The following PBX1 variants were observed in gnomAD, a reference collection of about 807,000 sequenced individuals.
The protein encoded by PBX1 is pre-B-cell leukemia transcription factor 1.
Under a neutral mutation model 53.4 loss-of-function variants are expected in PBX1, and 6 were observed. The observed-to-expected ratio is 0.11, with a 90% CI of 0.06 to 0.22. The LOEUF (loss-of-function observed/expected upper bound fraction) is 0.22. Ranked by LOEUF, PBX1 falls within the 10% of genes least tolerant of loss-of-function variation. The probability of loss-of-function intolerance (pLI) is 1.00; values close to 1 mark genes in which losing one functional copy is unlikely to be tolerated. For synonymous variants in PBX1, 204 were observed against 212.3 expected, an observed-to-expected ratio of 0.96 and a Z score of 0.34; for missense variants, 251 against 551.4, an observed-to-expected ratio of 0.46 and a Z score of 5.46.
intron 2 of PBX1, chr1:164,642,613 T>C (rs192462424): frequency 3.9e-5 from 6 of 152,292 alleles, no homozygotes; most frequent in African/African-American, 1.4e-4. Flanking sequence ...ATTTATTTGG[T>C]TAGGTGTTTT....
At chr1:164,844,692 C>G (rs1671481155) in intron 8 of PBX1, among the ~76,000 whole-genome samples, 1 of 152,084 alleles carries the variant, frequency 6.6e-6, no homozygotes, top group Non-Finnish European at 1.5e-5. Flanking sequence ...CTTAGTCAGC[C>G]TAAAATGGCA....
Position 164,706,039 on chromosome 1 carries a change from G to A in PBX1, c.266-86455G>A, listed in dbSNP as rs183130418. ...TTTGGTTTTTGATTGCTGAGTTTTG[G>A]AATTCTATGGTTGATATAAAAAAAA... is the stretch of plus-strand genomic sequence containing the variant. On this transcript the variant is annotated intron_variant, in intron 2 of 8. Coordinates refer to ENST00000420696, the MANE Select transcript of PBX1 (RefSeq NM_002585.4). 3.5e-3 allele frequency among the ~76,000 whole-genome samples: 531 copies of A among 152,214 alleles called. 5 individuals are homozygous for A. The highest frequency in any genetic ancestry group is 0.012 in the African/African-American group (490 of 41,520).
intron 6 of PBX1, among the ~76,000 whole-genome samples, 197 bp downstream of exon 6, chr1:164,812,346 CA>C (rs1177396416): frequency 6.6e-6 from 1 of 152,178 alleles, no homozygotes; most frequent in East Asian, 1.9e-4. Flanking sequence ...AGACTTTTTA[CA>C]ACGTGGGTTG....
intron 2 of PBX1, among the ~76,000 whole-genome samples, chr1:164,568,294 C>CT (rs1416774001): frequency 6.6e-6 from 1 of 151,386 alleles, no homozygotes; most frequent in Non-Finnish European, 1.5e-5. Context: ...TATGTTTGAA[C>CT]TTGGTGAAGC....
chr1:164,642,417 A>G (rs1659199416), intron 2 of PBX1, among the ~76,000 whole-genome samples: 1 of 152,212 alleles, frequency 6.6e-6, no homozygotes, highest in Admixed American at 6.5e-5. Context: ...AGGACATTCA[A>G]GGCATCTCTC....
chr1:164,741,739 A>ATGT, intron 2 of PBX1, among the ~76,000 whole-genome samples: 1 of 140,910 alleles, frequency 7.1e-6, no homozygotes, highest in South Asian at 2.4e-4. Context: ...TGTATGAGTG[A>ATGT]GTGTGTGTGT....
chr1:164,792,621 A>AGCGGCGGCG lies in PBX1; in HGVS notation c.396_404dup (p.Ala133_Ala135dup). 2 of 1,613,630 alleles carry AGCGGCGGCG rather than the reference A, an allele frequency of 1.2e-6. No individual in the cohort carries two copies. Among genetic ancestry groups the AGCGGCGGCG allele is most frequent in the East Asian group, 2.2e-5 (1 of 44,866 alleles). ...GCGGAGGGTCGGCGGCAGCGGCGGC[A>AGCGGCGGCG]GCGGCGGCGGCTTCTGGAGGGGCAG... is the stretch of plus-strand genomic sequence containing the variant. On this transcript the variant is annotated inframe_insertion, in exon 3 of 9. Coordinates refer to ENST00000420696, the MANE Select transcript of PBX1 (RefSeq NM_002585.4).
chr1:164,724,052 G>C (rs1397759714), intron 2 of PBX1, among the ~76,000 whole-genome samples: 3 of 152,114 alleles, frequency 2.0e-5, no homozygotes, highest in Non-Finnish European at 4.4e-5. Context: ...ACTAAAACCT[G>C]GAATGACTTT....
intron 2 of PBX1, among the ~76,000 whole-genome samples, chr1:164,788,585 A>T (rs1338528280): frequency 6.6e-6 from 1 of 152,152 alleles, no homozygotes; most frequent in Non-Finnish European, 1.5e-5. Context: ...TTTTCTATGC[A>T]AAATAGTGCA....
chr1:164,854,628 C>T (rs1226549803), downstream of PBX1, among the ~76,000 whole-genome samples: 1 of 152,054 alleles, frequency 6.6e-6, no homozygotes, highest in African/African-American at 2.4e-5. Flanking sequence ...TGTGATTCAA[C>T]CTATGGCTTC....
chr1:164,749,197 C>A (rs199749768), intron 2 of PBX1, among the ~76,000 whole-genome samples: 1 of 152,098 alleles, frequency 6.6e-6, no homozygotes, highest in East Asian at 1.9e-4. Flanking sequence ...AGTAATGCCC[C>A]CTTTCAGTTT....
In PBX1 at chr1:164,672,050, T is replaced by C. The variant is rs201667490; in HGVS notation, c.265+108739T>C. On this transcript the variant is annotated intron_variant, in intron 2 of 8. Transcript: ENST00000420696. Reference sequence around the variant, plus strand: ...GTTTTTCTTTCTGTTTTTTTTTTTTTCCCCTTTTATTCCCCTGTTGACACA... The same window carrying C: ...GTTTTTCTTTCTGTTTTTTTTTTTTCCCCCTTTTATTCCCCTGTTGACACA... Among the ~76,000 whole-genome samples, 131 of 131,240 alleles carry C rather than the reference T, an allele frequency of 1.0e-3. 2 individuals are homozygous for C. The highest frequency in any genetic ancestry group is 8.2e-3 in the Middle Eastern group (2 of 244). The allele number at this position is 131,240 out of a possible 152,430, so 86.1% of individuals were successfully genotyped here.
chr1:164,855,869 C>T (rs1052662757), downstream of PBX1, among the ~76,000 whole-genome samples: 1 of 152,184 alleles, frequency 6.6e-6, no homozygotes, highest in East Asian at 1.9e-4. Flanking sequence ...TTGAAATATT[C>T]ATGTCTTTGT....
At chr1:164,666,468 A>G (rs1660813232) in intron 2 of PBX1, among the ~76,000 whole-genome samples, 1 of 152,204 alleles carries the variant, frequency 6.6e-6, no homozygotes, top group Admixed American at 6.5e-5. Context: ...TCATTCTCAG[A>G]TTGGTCTGAG....
chr1:164,756,549 A>T (rs1258291407), intron 2 of PBX1, among the ~76,000 whole-genome samples: 1 of 152,202 alleles, frequency 6.6e-6, no homozygotes, highest in East Asian at 1.9e-4. Context: ...GAATGCTAAC[A>T]TTGCATATGT....
chr1:164,633,041 T>C (rs556953259), intron 2 of PBX1, among the ~76,000 whole-genome samples: 148 of 152,322 alleles, frequency 9.7e-4, no homozygotes, highest in Non-Finnish European at 1.7e-3. Flanking sequence ...TAGCTAAGAC[T>C]CAAAACTAGT....
At chr1:164,626,289 A>C (rs1314272892) in intron 2 of PBX1, among the ~76,000 whole-genome samples, 4 of 152,216 alleles carry the variant, frequency 2.6e-5, no homozygotes, top group Non-Finnish European at 4.4e-5. Context: ...TTTCAGTAGT[A>C]GGTTTTCCTC....
chr1:164,883,840 G>A (rs1672717729), intron 2 of PBX1, among the ~76,000 whole-genome samples: 1 of 152,106 alleles, frequency 6.6e-6, no homozygotes, highest in African/African-American at 2.4e-5. Flanking sequence ...ATTTTTCTCT[G>A]ACAATGTTTT....
Position 164,846,890 on chromosome 1 carries a change from C to G in PBX1, c.*214C>G, listed in dbSNP as rs1056069445. ...CTTCCCTTTTTTTTCTGGGTAGAAGCCACCCTTCCCTGCCTCCAGCTGTCA... is the reference window on the plus strand; with the variant it reads ...CTTCCCTTTTTTTTCTGGGTAGAAGGCACCCTTCCCTGCCTCCAGCTGTCA... On this transcript the variant is annotated 3_prime_UTR_variant, in exon 9 of 9. Transcript: ENST00000420696. 5.2e-5 allele frequency: 72 copies of G among 1,387,230 alleles called. No individual in the cohort carries two copies. Among genetic ancestry groups the G allele is most frequent in the Non-Finnish European group, 6.3e-5 (67 of 1,070,212 alleles). The allele number at this position is 1,387,230 out of a possible 1,614,324, so 85.9% of individuals were successfully genotyped here. A position where few individuals can be genotyped will look rare whatever the true frequency, so the allele number is the denominator to read the frequency against.
Sources: gnomAD v4.1 joint callset for allele counts (sites outside exome capture counted in the v4.1 genomes callset) on GRCh38, gnomAD v4.1.1 for gene constraint, MANE v1.5 for transcripts, NCBI Gene and HGNC (gene_info 2026-07-23, HGNC 2026-07-21) for gene names.